Variants in SHISA9 observed in about 807,000 individuals in gnomAD.
SHISA9 encodes the protein protein shisa-9.
Under a neutral mutation model 38.0 loss-of-function variants are expected in SHISA9, and 13 were observed. The observed-to-expected ratio is 0.34, with a 90% CI of 0.22 to 0.54. The LOEUF (loss-of-function observed/expected upper bound fraction) is 0.54, where lower values mean the gene tolerates loss of function less well. SHISA9 is among the 20% of genes least tolerant of loss of function. SHISA9 has a pLI of 0.91. For missense variants in SHISA9, 538 were observed against 575.8 expected, an observed-to-expected ratio of 0.93 and a Z score of 0.67; for synonymous variants, 275 against 242.0, an observed-to-expected ratio of 1.14 and a Z score of -1.27.
At chr16:13,339,071 G>A in the SHISA9 span, among the ~76,000 whole-genome samples, 2,637 of 152,082 alleles carry the variant, frequency 0.017, 31 homozygotes, top group Non-Finnish European at 0.028. Context: ...GCAATTTATG[G>A]GGATTGTCAG....
the SHISA9 span, among the ~76,000 whole-genome samples, chr16:13,346,385 T>C: frequency 0.021 from 3,183 of 152,258 alleles, 113 homozygotes; most frequent in African/African-American, 0.072. Context: ...CAAAACTGGG[T>C]TTCCTGAAGA....
At chr16:13,462,218 C>T in the SHISA9 span, among the ~76,000 whole-genome samples, 2 of 151,312 alleles carry the variant, frequency 1.3e-5, no homozygotes, top group African/African-American at 4.9e-5. Flanking sequence ...TGAGCCTGGG[C>T]AACATGGTGA....
chr16:13,045,021 G>A (rs117586335), intron 2 of SHISA9, among the ~76,000 whole-genome samples: 1 of 152,308 alleles, frequency 6.6e-6, no homozygotes, highest in Non-Finnish European at 1.5e-5. Context: ...CAGCTCTGTG[G>A]CTTCATGCCC....
intron 2 of SHISA9, among the ~76,000 whole-genome samples, chr16:13,069,348 A>G (rs1168821062): frequency 6.6e-6 from 1 of 151,364 alleles, no homozygotes; most frequent in African/African-American, 2.4e-5. Flanking sequence ...ATATGTGTGT[A>G]TGTATATATG....
At position 13,203,347 on chromosome 16, in the gene SHISA9, G is replaced by A. The variant is rs371519074; in HGVS notation, c.692-47G>A. On this transcript the variant is annotated intron_variant, in intron 2 of 4. Coordinates refer to ENST00000558583, the MANE Select transcript of SHISA9 (RefSeq NM_001145204.3). Reference sequence around the variant, plus strand: ...TGTGGTGATGGGAGGGAAGGTAGATGGTTCTGCCCTGTCTGTGACAATCTC... The same window carrying A: ...TGTGGTGATGGGAGGGAAGGTAGATAGTTCTGCCCTGTCTGTGACAATCTC... 76 of 1,422,016 alleles carry A rather than the reference G, an allele frequency of 5.3e-5. No homozygotes were observed. The African/African-American group carries it at 9.5e-4, about 18-fold the overall frequency. 88.1% of individuals were successfully genotyped at this position (1,422,016 alleles called of 1,614,324 possible).
chr16:12,944,638 C>T (rs950313954), intron 2 of SHISA9, among the ~76,000 whole-genome samples: 11 of 152,108 alleles, frequency 7.2e-5, no homozygotes, highest in African/African-American at 2.7e-4. Context: ...CATGAAATGA[C>T]CCTGGCATTG....
chr16:12,956,449 C>A (rs1327632551), intron 2 of SHISA9, among the ~76,000 whole-genome samples: 1 of 152,160 alleles, frequency 6.6e-6, no homozygotes, highest in Non-Finnish European at 1.5e-5. Flanking sequence ...CAGCACTACT[C>A]ATAATAGCAA....
chr16:13,488,662 T>C, the SHISA9 span, among the ~76,000 whole-genome samples: 2 of 138,064 alleles, frequency 1.4e-5, no homozygotes. Context: ...GAGTATGTAG[T>C]AGGTGATATC....
the SHISA9 span, among the ~76,000 whole-genome samples, chr16:13,250,500 G>A: frequency 1.6e-4 from 25 of 152,138 alleles, no homozygotes; most frequent in African/African-American, 5.1e-4. Context: ...GTATTATCTT[G>A]GACATTGATT....
At chr16:13,549,244 G>T in the SHISA9 span, among the ~76,000 whole-genome samples, 4 of 152,170 alleles carry the variant, frequency 2.6e-5, no homozygotes, top group Non-Finnish European at 4.4e-5. Flanking sequence ...GGGAGATGTA[G>T]GTCAGTGGGT....
the SHISA9 span, among the ~76,000 whole-genome samples, chr16:13,500,241 GA>G: frequency 6.6e-6 from 1 of 152,110 alleles, no homozygotes; most frequent in African/African-American, 2.4e-5. Context: ...GCCGCCATGT[GA>G]GACGGTCCAA....
At chr16:13,546,142 A>G in the SHISA9 span, among the ~76,000 whole-genome samples, 1 of 152,284 alleles carries the variant, frequency 6.6e-6, no homozygotes, top group East Asian at 1.9e-4. Context: ...GGAAATCAGT[A>G]ATCAGAAAAA....
At chr16:13,272,828 C>T in the SHISA9 span, among the ~76,000 whole-genome samples, 3 of 152,098 alleles carry the variant, frequency 2.0e-5, no homozygotes, top group African/African-American at 7.2e-5. Context: ...ACAATCTACC[C>T]CATCCCATTG....
chr16:13,106,899 C>T (rs9939176), intron 2 of SHISA9, among the ~76,000 whole-genome samples: 7,740 of 152,080 alleles, frequency 0.051, 337 homozygotes, highest in Admixed American at 0.14. Context: ...AGAGAGAGTT[C>T]TGATCATATT....
chr16:12,995,099 TG>T (rs2072441906), intron 2 of SHISA9, among the ~76,000 whole-genome samples: 1 of 152,094 alleles, frequency 6.6e-6, no homozygotes, highest in South Asian at 2.1e-4. Context: ...TTACTTTTTA[TG>T]GGTACATAGT....
intron 2 of SHISA9, among the ~76,000 whole-genome samples, chr16:13,174,813 T>C (rs551791606): frequency 6.6e-6 from 1 of 152,266 alleles, no homozygotes. Context: ...CTGATTCCTT[T>C]ATAATCTCTG....
At chr16:13,401,317 A>G in the SHISA9 span, among the ~76,000 whole-genome samples, 2 of 152,214 alleles carry the variant, frequency 1.3e-5, no homozygotes, top group African/African-American at 4.8e-5. Flanking sequence ...ACATCCAGGC[A>G]CACTGGAGGA....
At chr16:13,075,575 A>T (rs999449273) in intron 2 of SHISA9, among the ~76,000 whole-genome samples, 9 of 152,076 alleles carry the variant, frequency 5.9e-5, no homozygotes, top group African/African-American at 2.2e-4. Context: ...TGAAAACTCA[A>T]CCTAAGGCTT....
chr16:13,359,626 T>C, the SHISA9 span, among the ~76,000 whole-genome samples: 3 of 152,268 alleles, frequency 2.0e-5, no homozygotes, highest in Non-Finnish European at 4.4e-5. Flanking sequence ...CACCATACTT[T>C]TACCTCTCTG....
Sources: gnomAD v4.1 joint callset for allele counts (sites outside exome capture counted in the v4.1 genomes callset) on GRCh38, gnomAD v4.1.1 for gene constraint, MANE v1.5 for transcripts, NCBI Gene and HGNC (gene_info 2026-07-23, HGNC 2026-07-21) for gene names.